The following PARPBP variants were observed in gnomAD, a reference collection of about 807,000 sequenced individuals.
PARPBP encodes PARP1 binding protein, also known as PCNA-interacting partner.
In PARPBP, 52 loss-of-function variants were observed where a neutral mutation model predicts 50.0. That is an observed-to-expected ratio of 1.04 (90% CI 0.83 to 1.31). The LOEUF is 1.31. Among genes scored for constraint, PARPBP ranks in the 50% most tolerant of loss-of-function variants. The probability of loss-of-function intolerance (pLI) is 0.00; values close to 1 mark genes in which losing one functional copy is unlikely to be tolerated. For missense variants in PARPBP, 697 were observed against 672.0 expected, an observed-to-expected ratio of 1.04 and a Z score of -0.41; for synonymous variants, 244 against 232.1, an observed-to-expected ratio of 1.05 and a Z score of -0.47.
At chr12:102,162,602 C>T (rs1887714092) in intron 4 of PARPBP, among the ~76,000 whole-genome samples, 1 of 152,166 alleles carries the variant, frequency 6.6e-6, no homozygotes, top group African/African-American at 2.4e-5. Context: ...AGAAGGATCA[C>T]TGGAGCCCAG....
chr12:102,182,447 A>G, intron 8 of PARPBP, 102 bp from the exon 9 acceptor site: 1 of 771,594 alleles, frequency 1.3e-6, no homozygotes, highest in Non-Finnish European at 2.1e-6. Flanking sequence ...AAGTTGAGGA[A>G]AAACTAGATT....
At chr12:102,179,047 C>T (rs1453622286) in intron 8 of PARPBP, among the ~76,000 whole-genome samples, 1 of 152,042 alleles carries the variant, frequency 6.6e-6, no homozygotes, top group Non-Finnish European at 1.5e-5. Context: ...TGCTGTGGGT[C>T]AAGAATTTTG....
intron 6 of PARPBP, 53 bp downstream of exon 6, chr12:102,165,936 T>A: frequency 8.4e-7 from 1 of 1,192,114 alleles, no homozygotes; most frequent in Non-Finnish European, 1.2e-6. Context: ...TTTAAAACTT[T>A]ACAGAATTGG....
At chr12:102,161,907 T>C (rs1887641948) in intron 4 of PARPBP, among the ~76,000 whole-genome samples, 1 of 152,206 alleles carries the variant, frequency 6.6e-6, no homozygotes, top group African/African-American at 2.4e-5. Flanking sequence ...TTACTTAATA[T>C]GCAAGAAAAA....
At chr12:102,184,363 A>T (rs904120643) in intron 9 of PARPBP, among the ~76,000 whole-genome samples, 3 of 152,150 alleles carry the variant, frequency 2.0e-5, no homozygotes, top group African/African-American at 7.2e-5. Flanking sequence ...AAATTAAGTA[A>T]ATCAAAATGA....
At chr12:102,155,029 T>C (rs1594536141) in intron 4 of PARPBP, 1 of 316,638 alleles carries the variant, frequency 3.2e-6, no homozygotes, top group Non-Finnish European at 6.1e-6. Context: ...AACCAATTGC[T>C]TGCCAATCAG....
At chr12:102,131,538 G>T (rs142065406) in intron 2 of PARPBP, among the ~76,000 whole-genome samples, 1 of 152,164 alleles carries the variant, frequency 6.6e-6, no homozygotes, top group South Asian at 2.1e-4. Flanking sequence ...ACACATGCAT[G>T]TGTAGGTTTA....
intron 2 of PARPBP, among the ~76,000 whole-genome samples, chr12:102,128,724 C>T (rs1248099525): frequency 6.6e-6 from 1 of 152,170 alleles, no homozygotes; most frequent in East Asian, 1.9e-4. Context: ...ATCCATTCAT[C>T]CATTGATGGA....
chr12:102,120,469 C>G, intron 1 of PARPBP, 183 bp downstream of exon 1: 2 of 456,572 alleles, frequency 4.4e-6, no homozygotes, highest in Non-Finnish European at 8.8e-6. Flanking sequence ...AGGCGGAGTT[C>G]ACAGTATCTA....
chr12:102,149,795 A>T (rs1201482474), intron 3 of PARPBP, among the ~76,000 whole-genome samples: 1 of 152,218 alleles, frequency 6.6e-6, no homozygotes, highest in South Asian at 2.1e-4. Flanking sequence ...ATCCGCACAC[A>T]TGTACAACTA....
chr12:102,186,255 A>G (rs1332191407), intron 9 of PARPBP, among the ~76,000 whole-genome samples: 1 of 152,012 alleles, frequency 6.6e-6, no homozygotes, highest in Non-Finnish European at 1.5e-5. Flanking sequence ...TATCTTATCA[A>G]AAAATTAACT....
Position 102,176,228 on chromosome 12 carries a change from C to T in PARPBP, c.1005+562C>T, listed in dbSNP as rs761346412. Among the ~76,000 whole-genome samples, 40 of 151,968 alleles carry T rather than the reference C, an allele frequency of 2.6e-4. 1 individual carries two copies. The highest frequency in any genetic ancestry group is 8.8e-5 in the Non-Finnish European group (6 of 67,994). On this transcript the variant is annotated intron_variant, in intron 7 of 10. Transcript: ENST00000327680. The stretch of plus-strand genomic sequence containing the variant: ...CAAACTCCTGACCTCGTGATCTGCC[C>T]GCCTCGGCCTCCCAAAGTGCTGGGA...
intron 6 of PARPBP, among the ~76,000 whole-genome samples, chr12:102,172,462 T>C (rs1475364683): frequency 6.6e-6 from 1 of 152,208 alleles, no homozygotes; most frequent in Non-Finnish European, 1.5e-5. Flanking sequence ...TTCTAGGCTT[T>C]AGAAGCAAGA....
intron 9 of PARPBP, among the ~76,000 whole-genome samples, chr12:102,183,218 T>C (rs1890003649): frequency 6.6e-6 from 1 of 152,158 alleles, no homozygotes; most frequent in South Asian, 2.1e-4. Context: ...TTTAACTCAT[T>C]TATCATACTT....
rs115421447 is a variant in PARPBP, at chr12:102,178,780, G to A, written c.1184+10G>A. The A allele has an allele frequency of 1.3e-3, 1,980 of 1,560,052 alleles. 21 individuals carry two copies. In the African/African-American group the frequency reaches 0.024, roughly 19 times the overall value. ...TTCTTACACTTTTTAGGTAAGTTAT[G>A]TGGAAGTTATATGTGTTATAAATGT... On this transcript the variant is annotated intron_variant, in intron 8 of 10. Coordinates refer to ENST00000327680, the MANE Select transcript of PARPBP (RefSeq NM_017915.5).
chr12:102,160,603 G>A (rs1201139920), intron 4 of PARPBP, among the ~76,000 whole-genome samples: 3 of 152,204 alleles, frequency 2.0e-5, no homozygotes, highest in Non-Finnish European at 4.4e-5. Context: ...ATAGACTTGT[G>A]TAATAGAAGT....
rs1406203227 is a variant in PARPBP, at chr12:102,196,189, A to G, written c.1638A>G (p.Arg546=). The part of the protein sequence containing the change: ...IPKKSNDSQN[R]LYGKLAKVAK... ...AGAAATCAAATGATTCACAGAATAG[A>G]TTGTACGGCAAACTAGCTAAAGTAG... Residue 546 remains arginine, a synonymous_variant, in exon 11 of 11, where the codon AGA becomes AGG. Coordinates refer to ENST00000327680, the MANE Select transcript of PARPBP (RefSeq NM_017915.5). The G allele has an allele frequency of 2.5e-6, 4 of 1,612,048 alleles. No homozygotes were observed. Among genetic ancestry groups the G allele is most frequent in the Non-Finnish European group, 3.4e-6 (4 of 1,178,592 alleles).
chr12:102,174,843 G>A (rs1016505521), intron 6 of PARPBP, among the ~76,000 whole-genome samples: 1 of 152,210 alleles, frequency 6.6e-6, no homozygotes, highest in Non-Finnish European at 1.5e-5. Flanking sequence ...ACACTTGTCT[G>A]TTGGCCATAG....
At chr12:102,183,022 A>G (rs1388778533) in intron 9 of PARPBP, among the ~76,000 whole-genome samples, 1 of 152,196 alleles carries the variant, frequency 6.6e-6, no homozygotes, top group African/African-American at 2.4e-5. Flanking sequence ...ATGGCAGAAT[A>G]TAATTAATTA....
Sources: allele counts gnomAD v4.1 joint callset (sites outside exome capture counted in the v4.1 genomes callset), GRCh38; gene constraint gnomAD v4.1.1; transcripts MANE v1.5; gene names NCBI Gene and HGNC (gene_info 2026-07-23, HGNC 2026-07-21).